RNF13: variants seen among roughly 807,000 people sequenced by gnomAD.
The protein encoded by RNF13 is ring finger protein 13.
RNF13 carries 19 observed loss-of-function variants against 37.7 expected under a neutral mutation model. The ratio of observed to expected loss-of-function variants is 0.50; its 90% CI spans 0.35 to 0.74. RNF13 has a LOEUF of 0.74. RNF13 is among the 30% of genes least tolerant of loss of function. RNF13 has a pLI of 0.01. For missense variants in RNF13, 375 were observed against 453.0 expected, an observed-to-expected ratio of 0.83 and a Z score of 1.56; for synonymous variants, 144 against 157.8, an observed-to-expected ratio of 0.91 and a Z score of 0.65.
At chr3:149,863,423 A>G (rs1398257313) in intron 3 of RNF13, among the ~76,000 whole-genome samples, 1 of 152,122 alleles carries the variant, frequency 6.6e-6, no homozygotes, top group Non-Finnish European at 1.5e-5. Flanking sequence ...TCTGTCATGC[A>G]GGCTGGAGTG....
In RNF13 at chr3:149,872,092, G is replaced by T; in HGVS notation, c.259G>T (p.Asp87Tyr). 6.2e-7 allele frequency: 1 copy of T among 1,606,086 alleles called. No individual in the cohort carries two copies. The highest frequency in any genetic ancestry group is 2.2e-5 in the East Asian group (1 of 44,638). ...ACCCATAGTGCCTCCACCAGTAAAA[G>T]ACAATTCATCTGGCACTTTCATCGT... ...CEPIVPPPVK[D>Y]NSSGTFIVLI... Residue 87 changes from aspartate (D) to tyrosine (Y), a missense_variant, in exon 4 of 10, where the codon GAC (aspartate) becomes TAC (tyrosine). Asp to Tyr is a radical substitution (Grantham distance 160). Transcript: ENST00000392894.
intron 3 of RNF13, among the ~76,000 whole-genome samples, chr3:149,864,795 T>C (rs1724635069): frequency 6.6e-6 from 1 of 152,194 alleles, no homozygotes; most frequent in Admixed American, 6.5e-5. Flanking sequence ...ACTGGATCTT[T>C]TATGATTTCC....
At chr3:149,865,060 A>G (rs1724657610) in intron 3 of RNF13, among the ~76,000 whole-genome samples, 2 of 152,134 alleles carry the variant, frequency 1.3e-5, no homozygotes, top group Admixed American at 1.3e-4. Context: ...AGAAAGGTAT[A>G]GTGGATGTTT....
chr3:149,893,538 C>T (rs1361891048), intron 4 of RNF13, among the ~76,000 whole-genome samples: 1 of 152,162 alleles, frequency 6.6e-6, no homozygotes, highest in Non-Finnish European at 1.5e-5. Flanking sequence ...GTAACCCCAA[C>T]TGAGTATACT....
intron 1 of RNF13, among the ~76,000 whole-genome samples, chr3:149,820,264 A>G (rs547219330): frequency 1.3e-5 from 2 of 151,020 alleles, no homozygotes; most frequent in East Asian, 1.9e-4. Context: ...GTCACCTGGT[A>G]TGGTCTCAAA....
At chr3:149,927,476 G>T (rs1479053876) in intron 8 of RNF13, among the ~76,000 whole-genome samples, 1 of 152,108 alleles carries the variant, frequency 6.6e-6, no homozygotes, top group Non-Finnish European at 1.5e-5. Context: ...TAAGTCCATG[G>T]ATTCAATTAT....
At chr3:149,955,223 A>G (rs1229521825) in intron 8 of RNF13, among the ~76,000 whole-genome samples, 1 of 152,052 alleles carries the variant, frequency 6.6e-6, no homozygotes, top group Non-Finnish European at 1.5e-5. Flanking sequence ...ATAGCATTTT[A>G]GTAGATTTCA....
intron 7 of RNF13, among the ~76,000 whole-genome samples, chr3:149,912,460 CAAAA>C: frequency 6.6e-6 from 1 of 151,304 alleles, no homozygotes; most frequent in Non-Finnish European, 1.5e-5. Flanking sequence ...AAACGAATTG[CAAAA>C]AAAATTTACT....
intron 1 of RNF13, among the ~76,000 whole-genome samples, chr3:149,828,599 A>G (rs1462120067): frequency 6.6e-6 from 1 of 152,166 alleles, no homozygotes; most frequent in Non-Finnish European, 1.5e-5. Context: ...TTGGCAGCCT[A>G]TGGTACTGGT....
chr3:149,935,630 T>C lies in RNF13; in HGVS notation c.700+14403T>C, dbSNP rs1254791145. On this transcript the variant is annotated intron_variant, in intron 8 of 9. Transcript: ENST00000392894. The stretch of plus-strand genomic sequence containing the variant: ...ATTCTGAATATATGAGAACTCAATG[T>C]TGATCACAAAGAAAACGACAAAAAA... Among the ~76,000 whole-genome samples the C allele has an allele frequency of 2.6e-5, 4 of 152,196 alleles. 1 individual carries two copies. Among genetic ancestry groups the C allele is most frequent in the Admixed American group, 2.6e-4 (4 of 15,274 alleles).
chr3:149,851,987 T>C (rs932716490), intron 2 of RNF13, among the ~76,000 whole-genome samples: 1 of 152,216 alleles, frequency 6.6e-6, no homozygotes, highest in African/African-American at 2.4e-5. Flanking sequence ...TTTTTCCGTG[T>C]ATGTATTTCA....
chr3:149,903,674 T>C (rs570499074), intron 6 of RNF13, among the ~76,000 whole-genome samples: 141 of 152,262 alleles, frequency 9.3e-4, no homozygotes, highest in African/African-American at 3.2e-3. Context: ...GCTACAGATA[T>C]ATTGTGGCAT....
intron 8 of RNF13, among the ~76,000 whole-genome samples, chr3:149,938,153 A>ATG (rs1424658451): frequency 1.3e-5 from 2 of 151,270 alleles, no homozygotes; most frequent in Non-Finnish European, 2.9e-5. Flanking sequence ...ATATATAGTT[A>ATG]TGTATATATA....
intron 3 of RNF13, among the ~76,000 whole-genome samples, chr3:149,859,239 G>A (rs541926698): frequency 2.0e-5 from 3 of 152,104 alleles, no homozygotes; most frequent in Non-Finnish European, 2.9e-5. Flanking sequence ...AAAATAAAGA[G>A]TCAAACCATC....
At chr3:149,938,997 G>T in intron 8 of RNF13, 1 of 473,736 alleles carries the variant, frequency 2.1e-6, no homozygotes, top group Non-Finnish European at 4.0e-6. Flanking sequence ...TTCCTAAAGA[G>T]ACTTCCTCCA....
chr3:149,949,620 G>C (rs892759088), intron 8 of RNF13, among the ~76,000 whole-genome samples: 2 of 151,376 alleles, frequency 1.3e-5, no homozygotes, highest in Non-Finnish European at 2.9e-5. Flanking sequence ...CTTCACATAG[G>C]TCCTCTACCC....
At chr3:149,947,265 T>G (rs1720855922) in intron 8 of RNF13, among the ~76,000 whole-genome samples, 1 of 152,218 alleles carries the variant, frequency 6.6e-6, no homozygotes, top group Non-Finnish European at 1.5e-5. Flanking sequence ...TATATGTTTG[T>G]TAGTTCCAAT....
intron 3 of RNF13, among the ~76,000 whole-genome samples, chr3:149,867,562 G>T (rs897608243): frequency 1.3e-5 from 2 of 151,782 alleles, no homozygotes; most frequent in Non-Finnish European, 2.9e-5. Context: ...ACCGCACCCG[G>T]CCTCTTGTCT....
chr3:149,824,075 T>C (rs1243405632), intron 1 of RNF13, among the ~76,000 whole-genome samples: 1 of 152,292 alleles, frequency 6.6e-6, no homozygotes, highest in Admixed American at 6.5e-5. Flanking sequence ...ACACAAAAGC[T>C]AGCTTGAATA....
Sources: allele counts gnomAD v4.1 joint callset (sites outside exome capture counted in the v4.1 genomes callset), GRCh38; gene constraint gnomAD v4.1.1; transcripts MANE v1.5; gene names NCBI Gene and HGNC (gene_info 2026-07-23, HGNC 2026-07-21).